Variants in DOCK1 observed in about 807,000 individuals in gnomAD.
The protein encoded by DOCK1 is dedicator of cytokinesis 1.
In DOCK1, 138 loss-of-function variants were observed where a neutral mutation model predicts 262.7. The ratio of observed to expected loss-of-function variants is 0.53; its 90% CI spans 0.46 to 0.61. The LOEUF is 0.61. DOCK1 is among the 20% of genes least tolerant of loss of function. The pLI is 0.00. For synonymous variants in DOCK1, 866 were observed against 867.4 expected, an observed-to-expected ratio of 1.00 and a Z score of 0.03; for missense variants, 1,908 against 2,370.7, an observed-to-expected ratio of 0.80 and a Z score of 4.05.
chr10:127,257,701 G>T, intron 29 of DOCK1: 1 of 308,810 alleles, frequency 3.2e-6, no homozygotes, highest in Non-Finnish European at 6.1e-6. Context: ...CTGTCATCAT[G>T]GGCACAGGGG....
chr10:127,035,787 T>A (rs572684595), intron 18 of DOCK1, among the ~76,000 whole-genome samples: 1 of 151,920 alleles, frequency 6.6e-6, no homozygotes, highest in Non-Finnish European at 1.5e-5. Context: ...AGGCGTGAGG[T>A]TCACATGAGC....
At chr10:126,966,413 GC>G (rs1195748453) in intron 1 of DOCK1, among the ~76,000 whole-genome samples, 5 of 152,178 alleles carry the variant, frequency 3.3e-5, no homozygotes, top group African/African-American at 1.2e-4. Context: ...TTGGATAAAT[GC>G]CCAGTGGCGG....
At chr10:126,934,211 A>G (rs36127469) in intron 1 of DOCK1, among the ~76,000 whole-genome samples, 2 of 151,904 alleles carry the variant, frequency 1.3e-5, no homozygotes, top group Admixed American at 6.6e-5. Context: ...TAGTATTTCT[A>G]TTGTCTTTAG....
intron 27 of DOCK1, among the ~76,000 whole-genome samples, chr10:127,217,571 G>A (rs2058267933): frequency 6.6e-6 from 1 of 152,128 alleles, no homozygotes; most frequent in Non-Finnish European, 1.5e-5. Context: ...TTATCTGTTT[G>A]CAGAACCACA....
rs139133538 is a variant in DOCK1, at chr10:127,007,877, G to A, written c.986-855G>A. On this transcript the variant is annotated intron_variant, in intron 10 of 51. Transcript: ENST00000623213. ...GGTTACTGAGGATTTGCCTTGAAGT[G>A]TCCTCTTGAAAGAGCGTCCACAGAT... 1.9e-3 allele frequency among the ~76,000 whole-genome samples: 284 copies of A among 152,260 alleles called. 1 individual carries two copies. The highest frequency in any genetic ancestry group is 6.7e-3 in the African/African-American group (278 of 41,548).
chr10:127,305,818 A>C (rs1269291938), intron 29 of DOCK1, among the ~76,000 whole-genome samples: 1 of 152,142 alleles, frequency 6.6e-6, no homozygotes, highest in East Asian at 1.9e-4. Flanking sequence ...TTTCAGAAGT[A>C]GTTTTTCGTT....
At chr10:126,999,676 C>T (rs551517101) in intron 9 of DOCK1, among the ~76,000 whole-genome samples, 2 of 152,102 alleles carry the variant, frequency 1.3e-5, no homozygotes, top group South Asian at 2.1e-4. Context: ...AAATGTGTAT[C>T]GTTTTTATTT....
At chr10:126,932,185 T>C (rs889735956) in intron 1 of DOCK1, among the ~76,000 whole-genome samples, 4 of 152,246 alleles carry the variant, frequency 2.6e-5, no homozygotes, top group Admixed American at 6.5e-5. Flanking sequence ...GCAGGCTAAA[T>C]GTGAAGTTTA....
chr10:126,947,212 C>T (rs976215327), intron 1 of DOCK1, among the ~76,000 whole-genome samples: 25 of 150,880 alleles, frequency 1.7e-4, no homozygotes, highest in African/African-American at 5.7e-4. Flanking sequence ...TTTACCTCTG[C>T]CATGATGATG....
chr10:127,406,628 G>A (rs1158939801), intron 40 of DOCK1, among the ~76,000 whole-genome samples: 1 of 152,072 alleles, frequency 6.6e-6, no homozygotes, highest in Non-Finnish European at 1.5e-5. Flanking sequence ...CTTTTGCTTT[G>A]TTTTTCTCTA....
At chr10:127,002,921 G>A (rs771567636) in intron 10 of DOCK1, among the ~76,000 whole-genome samples, 11 of 152,210 alleles carry the variant, frequency 7.2e-5, no homozygotes, top group African/African-American at 1.2e-4. Context: ...TAGCCTTGTC[G>A]TCTTGCTCGT....
chr10:127,361,827 T>C (rs2064469032), intron 32 of DOCK1, among the ~76,000 whole-genome samples: 1 of 152,200 alleles, frequency 6.6e-6, no homozygotes, highest in African/African-American at 2.4e-5. Context: ...GATTACAGGC[T>C]TATACCGCGC....
At chr10:127,270,517 G>A (rs2060523906) in intron 29 of DOCK1, among the ~76,000 whole-genome samples, 1 of 152,076 alleles carries the variant, frequency 6.6e-6, no homozygotes, top group Non-Finnish European at 1.5e-5. Context: ...ATGCCACATG[G>A]CTGACTTTCC....
intron 46 of DOCK1, among the ~76,000 whole-genome samples, chr10:127,424,471 G>A (rs2068695963): frequency 6.6e-6 from 1 of 152,158 alleles, no homozygotes. Flanking sequence ...AATCAGAAAT[G>A]CTTTTAGTAT....
chr10:126,993,538 C>T (rs1413478126), intron 6 of DOCK1, among the ~76,000 whole-genome samples: 1 of 152,208 alleles, frequency 6.6e-6, no homozygotes, highest in Non-Finnish European at 1.5e-5. Flanking sequence ...GAGGGAGGAG[C>T]TTGCTTTGTT....
intron 38 of DOCK1, among the ~76,000 whole-genome samples, chr10:127,392,720 G>A (rs2066556436): frequency 6.6e-6 from 1 of 152,160 alleles, no homozygotes. Flanking sequence ...CCCTGGGAGA[G>A]CGAAAGGCCA....
intron 47 of DOCK1, among the ~76,000 whole-genome samples, chr10:127,430,236 A>G (rs1209735065): frequency 1.3e-5 from 2 of 151,964 alleles, no homozygotes; most frequent in Non-Finnish European, 2.9e-5. Context: ...AGCTTCCAGG[A>G]TTTCTCCTCT....
chr10:127,112,752 C>T (rs1451285856), intron 25 of DOCK1, among the ~76,000 whole-genome samples: 1 of 152,086 alleles, frequency 6.6e-6, no homozygotes, highest in African/African-American at 2.4e-5. Flanking sequence ...ACAAGCAGCC[C>T]CAGAATTGCC....
At chr10:127,253,398 C>G (rs1406230115) in intron 28 of DOCK1, among the ~76,000 whole-genome samples, 1 of 152,158 alleles carries the variant, frequency 6.6e-6, no homozygotes, top group Non-Finnish European at 1.5e-5. Flanking sequence ...GCATCCCATT[C>G]CCTGACACCA....
Sources: gnomAD v4.1 joint callset for allele counts (sites outside exome capture counted in the v4.1 genomes callset) on GRCh38, gnomAD v4.1.1 for gene constraint, MANE v1.5 for transcripts, NCBI Gene and HGNC (gene_info 2026-07-23, HGNC 2026-07-21) for gene names.